Variants in PLCB1 observed in about 807,000 individuals in gnomAD.
PLCB1 encodes phospholipase C beta 1.
Under a neutral mutation model 161.8 loss-of-function variants are expected in PLCB1, and 46 were observed. The ratio of observed to expected loss-of-function variants is 0.28; its 90% CI spans 0.22 to 0.36. The LOEUF (loss-of-function observed/expected upper bound fraction) is 0.36, where lower values mean the gene tolerates loss of function less well. Ranked by LOEUF, PLCB1 falls within the 10% of genes least tolerant of loss-of-function variation. The pLI, the probability that PLCB1 is intolerant of heterozygous loss-of-function variation, is 1.00. For missense variants in PLCB1, 1,016 were observed against 1,472.5 expected, an observed-to-expected ratio of 0.69 and a Z score of 5.07; for synonymous variants, 517 against 503.7, an observed-to-expected ratio of 1.03 and a Z score of -0.35.
At chr20:8,323,093 C>T (rs1033031161) in intron 2 of PLCB1, among the ~76,000 whole-genome samples, 4 of 152,046 alleles carry the variant, frequency 2.6e-5, no homozygotes, top group African/African-American at 9.7e-5. Context: ...AGACACAGTC[C>T]CAAGAGGGAT....
intron 3 of PLCB1, among the ~76,000 whole-genome samples, chr20:8,395,933 A>C (rs181755560): frequency 1.6e-4 from 25 of 152,174 alleles, no homozygotes; most frequent in African/African-American, 5.8e-4. Flanking sequence ...ATGTTATTCT[A>C]AATTATTCCT....
rs138183168 is a variant in PLCB1, at chr20:8,628,332, C to T, written c.285C>T (p.Ile95=). The T allele has an allele frequency of 1.7e-5, 28 of 1,613,884 alleles. No homozygotes were observed. Among genetic ancestry groups the T allele is most frequent in the African/African-American group, 4.0e-5 (3 of 75,042 alleles). The change falls in exon 4 of 32, where the codon ATC becomes ATT. Residue 95 remains isoleucine, a synonymous_variant. Transcript: ENST00000338037. ...GTGAACTTTTGGATGTGGGGAACAT[C>T]GGGCGCCTGGAGCAGCGCATGATCA... The part of the protein sequence containing the change: ...KLRELLDVGN[I]GRLEQRMITV...
At chr20:8,582,409 C>G (rs1486584713) in intron 3 of PLCB1, among the ~76,000 whole-genome samples, 1 of 152,234 alleles carries the variant, frequency 6.6e-6, no homozygotes, top group Admixed American at 6.5e-5. Flanking sequence ...GCTTTTTACC[C>G]TAAGTTGGGA....
At chr20:8,197,564 T>C (rs1036568217) in intron 2 of PLCB1, among the ~76,000 whole-genome samples, 1 of 152,184 alleles carries the variant, frequency 6.6e-6, no homozygotes, top group South Asian at 2.1e-4. Context: ...TATTAGCCCT[T>C]TGTCAGATGA....
intron 2 of PLCB1, among the ~76,000 whole-genome samples, chr20:8,365,749 C>T (rs960337444): frequency 6.6e-6 from 1 of 152,000 alleles, no homozygotes; most frequent in Non-Finnish European, 1.5e-5. Flanking sequence ...ATGACTATAC[C>T]ACACATGTAT....
At chr20:8,869,221 G>A (rs1987531391) in intron 31 of PLCB1, among the ~76,000 whole-genome samples, 1 of 152,084 alleles carries the variant, frequency 6.6e-6, no homozygotes, top group East Asian at 1.9e-4. Flanking sequence ...TTAAGTTTTA[G>A]GGTACATGTG....
At chr20:8,733,635 G>A (rs537851520) in intron 19 of PLCB1, among the ~76,000 whole-genome samples, 2 of 146,524 alleles carry the variant, frequency 1.4e-5, no homozygotes, top group Non-Finnish European at 3.0e-5. Context: ...TCTGGGGACT[G>A]TTGTGGGGTG....
At chr20:8,296,309 C>T (rs1386354370) in intron 2 of PLCB1, among the ~76,000 whole-genome samples, 1 of 152,124 alleles carries the variant, frequency 6.6e-6, no homozygotes, top group Non-Finnish European at 1.5e-5. Flanking sequence ...CTTGGAGTCA[C>T]CTCCCATCAC....
At chr20:8,516,816 G>C (rs1271061687) in intron 3 of PLCB1, among the ~76,000 whole-genome samples, 6 of 151,094 alleles carry the variant, frequency 4.0e-5, no homozygotes, top group Admixed American at 2.6e-4. Flanking sequence ...AGGTGAAAAG[G>C]GTATTCACTC....
At chr20:8,853,656 T>G (rs1412808842) in intron 31 of PLCB1, among the ~76,000 whole-genome samples, 2 of 152,142 alleles carry the variant, frequency 1.3e-5, no homozygotes, top group African/African-American at 4.8e-5. Flanking sequence ...ACACTTGTAC[T>G]GGGGGAAAAA....
intron 2 of PLCB1, among the ~76,000 whole-genome samples, chr20:8,367,321 A>G (rs1053445142): frequency 3.3e-5 from 5 of 152,336 alleles, no homozygotes; most frequent in African/African-American, 9.6e-5. Context: ...AAGTGTGGTC[A>G]TTGGACCAGC....
chr20:8,250,863 G>T (rs570278562), intron 2 of PLCB1, among the ~76,000 whole-genome samples: 22 of 151,924 alleles, frequency 1.4e-4, no homozygotes, highest in Non-Finnish European at 2.8e-4. Context: ...GAGATGAAAA[G>T]ACATAGTTCC....
At chr20:8,345,726 A>G (rs1295393198) in intron 2 of PLCB1, among the ~76,000 whole-genome samples, 1 of 152,228 alleles carries the variant, frequency 6.6e-6, no homozygotes, top group Non-Finnish European at 1.5e-5. Context: ...AATTGCCCCC[A>G]GTTGAGAATG....
At chr20:8,407,991 T>G (rs1288838357) in intron 3 of PLCB1, among the ~76,000 whole-genome samples, 1 of 152,120 alleles carries the variant, frequency 6.6e-6, no homozygotes, top group Non-Finnish European at 1.5e-5. Context: ...GAAGGCATGA[T>G]GAGTAAATGC....
chr20:8,687,156 G>A (rs1990379519), intron 10 of PLCB1, among the ~76,000 whole-genome samples: 1 of 151,670 alleles, frequency 6.6e-6, no homozygotes, highest in South Asian at 2.1e-4. Context: ...CTCCTGAGTA[G>A]CTGAAACTAC....
chr20:8,873,182 G>C (rs1008603428), intron 31 of PLCB1, among the ~76,000 whole-genome samples: 9 of 123,720 alleles, frequency 7.3e-5, no homozygotes, highest in African/African-American at 2.5e-4. Flanking sequence ...AACAATCCTT[G>C]GGTAACATGA....
At chr20:8,163,763 A>C (rs151063315) in intron 2 of PLCB1, among the ~76,000 whole-genome samples, 1 of 152,152 alleles carries the variant, frequency 6.6e-6, no homozygotes, top group East Asian at 1.9e-4. Flanking sequence ...GTGGTATGCA[A>C]TCTGCCACAT....
intron 2 of PLCB1, among the ~76,000 whole-genome samples, chr20:8,321,629 A>T (rs557010253): frequency 6.6e-6 from 1 of 152,194 alleles, no homozygotes; most frequent in African/African-American, 2.4e-5. Flanking sequence ...TCAAAATCAC[A>T]TACACAAAAT....
chr20:8,520,950 G>T (rs1026839904), intron 3 of PLCB1, among the ~76,000 whole-genome samples: 3 of 152,130 alleles, frequency 2.0e-5, no homozygotes, highest in African/African-American at 7.2e-5. Context: ...TCCCTAGGCA[G>T]GGACTATGTT....
Sources: allele counts gnomAD v4.1 joint callset (sites outside exome capture counted in the v4.1 genomes callset), GRCh38; gene constraint gnomAD v4.1.1; transcripts MANE v1.5; gene names NCBI Gene and HGNC (gene_info 2026-07-23, HGNC 2026-07-21).